Variants in RBM33 observed in about 807,000 individuals in gnomAD.
RBM33 encodes the protein RNA-binding protein 33.
RBM33 carries 28 observed loss-of-function variants against 132.6 expected under a neutral mutation model. That is an observed-to-expected ratio of 0.21 (90% confidence interval 0.16 to 0.29). The LOEUF (loss-of-function observed/expected upper bound fraction) is 0.29. Ranked by LOEUF, RBM33 falls within the 10% of genes least tolerant of loss-of-function variation. The pLI, the probability that RBM33 is intolerant of heterozygous loss-of-function variation, is 1.00. For synonymous variants in RBM33, 634 were observed against 593.0 expected, an observed-to-expected ratio of 1.07 and a Z score of -1.01; for missense variants, 1,291 against 1,518.5, an observed-to-expected ratio of 0.85 and a Z score of 2.49.
chr7:155,677,719 G>A (rs1799223720), intron 3 of RBM33, among the ~76,000 whole-genome samples: 1 of 152,182 alleles, frequency 6.6e-6, no homozygotes, highest in South Asian at 2.1e-4. Flanking sequence ...ATACAGGTAA[G>A]TTTTTATAAG....
In RBM33 at chr7:155,685,148, G is replaced by GT. The variant is rs1299093550; in HGVS notation, c.567+4241dup. 72 of 1,276,430 alleles carry GT rather than the reference G, an allele frequency of 5.6e-5. No individual in the cohort carries two copies. The African/African-American group carries it at 7.3e-4, about 13-fold the overall frequency. 79.1% of individuals were successfully genotyped at this position (1,276,430 alleles called of 1,614,324 possible). On this transcript the variant is annotated intron_variant, in intron 5 of 17. Transcript: ENST00000401878. ...TTTTAGCATTAGCGAAAGTCGATAC[G>GT]TATCTTTGAACTGTGAGTGTATAGT...
rs773171947 is a variant in RBM33, at chr7:155,721,662, CTA to C, written c.1260+3220_1260+3221del. On this transcript the variant is annotated intron_variant, in intron 9 of 17. Transcript: ENST00000401878. ...GAAATTTTGCTGAGTTATAATACCT[CTA>C]GTTTTTTTAATTAAAAATTACAGAA... Among the ~76,000 whole-genome samples, 12 of 151,666 alleles carry C rather than the reference CTA, an allele frequency of 7.9e-5. No homozygotes were observed. The Middle Eastern group carries it at 0.01, about 131-fold the overall frequency.
At position 155,741,772 on chromosome 7, in the gene RBM33, T is replaced by C. The variant is rs373356492; in HGVS notation, c.2050-47T>C. 9.7e-6 allele frequency: 15 copies of C among 1,542,960 alleles called. No homozygotes were observed. In the African/African-American group the frequency reaches 1.8e-4, roughly 18 times the overall value. ...ATAATGTGCCTTTTAATGTTCCTTC[T>C]GCCAAGTTTCCACTTACAATTAGAA... On this transcript the variant is annotated intron_variant, in intron 12 of 17. Coordinates refer to ENST00000401878, the MANE Select transcript of RBM33 (RefSeq NM_053043.3).
At chr7:155,752,908 A>G (rs1451683800) in intron 14 of RBM33, among the ~76,000 whole-genome samples, 1 of 151,830 alleles carries the variant, frequency 6.6e-6, no homozygotes, top group East Asian at 1.9e-4. Context: ...TTCTCATCTG[A>G]CCGTGTGTTT....
chr7:155,766,641 G>C lies in RBM33; in HGVS notation c.3361G>C (p.Val1121Leu). 1 of 1,611,342 alleles carries C rather than the reference G, an allele frequency of 6.2e-7. No individual in the cohort carries two copies. Among genetic ancestry groups the C allele is most frequent in the Non-Finnish European group, 8.5e-7 (1 of 1,178,774 alleles). The change falls in exon 16 of 18, where the codon GTG (valine) becomes CTG (leucine). Residue 1121 changes from valine to leucine, a missense_variant. Physicochemically the swap from Val to Leu is conservative, Grantham distance 32 (BLOSUM62 1). Coordinates refer to ENST00000401878, the MANE Select transcript of RBM33 (RefSeq NM_053043.3). ...CCAGCTGAAGAGCCTGCTGATGTCA[G>C]TGGGACCCATTCAGGTAGCCGCCTG... ...DAQLKSLLMS[V>L]GPIQSLQMLP...
rs189527639 is a variant in RBM33 at position 155,669,288 on chromosome 7, A to T, written c.123-3579A>T. Among the ~76,000 whole-genome samples the T allele has an allele frequency of 1.4e-3, 216 of 152,214 alleles. 4 individuals carry two copies. Among genetic ancestry groups the T allele is most frequent in the African/African-American group, 5.0e-3 (206 of 41,532 alleles). On this transcript the variant is annotated intron_variant, in intron 2 of 17. Coordinates refer to ENST00000401878, the MANE Select transcript of RBM33 (RefSeq NM_053043.3). Reference sequence around the variant, plus strand: ...GAACCAACACCTGAAATTGTGTTTTATTTATTTTTTTTAAAGATATGAATG... The same window carrying T: ...GAACCAACACCTGAAATTGTGTTTTTTTTATTTTTTTTAAAGATATGAATG...
At chr7:155,645,089 C>T (rs879192785) in intron 1 of RBM33, 170 bp downstream of exon 1, 3 of 520,378 alleles carry the variant, frequency 5.8e-6, no homozygotes, top group Non-Finnish European at 6.7e-6. Context: ...TTGTCATTCT[C>T]CCTTTCTCGC....
intron 5 of RBM33, among the ~76,000 whole-genome samples, chr7:155,689,585 T>C (rs1461786985): frequency 3.3e-5 from 5 of 152,224 alleles, no homozygotes; most frequent in Admixed American, 1.3e-4. Context: ...TTTTAGATCT[T>C]TCCTGCATTC....
intron 1 of RBM33, among the ~76,000 whole-genome samples, chr7:155,648,176 C>T (rs1413780476): frequency 1.3e-5 from 2 of 152,200 alleles, no homozygotes; most frequent in Admixed American, 6.5e-5. Context: ...CATCACCTAG[C>T]ATCAACATTC....
chr7:155,710,059 C>G (rs1312700293), intron 7 of RBM33, among the ~76,000 whole-genome samples: 5 of 152,174 alleles, frequency 3.3e-5, no homozygotes, highest in Admixed American at 6.5e-5. Flanking sequence ...TGATCATTTT[C>G]CTACCAAAGA....
intron 5 of RBM33, among the ~76,000 whole-genome samples, chr7:155,682,595 C>T (rs534939358): frequency 1.3e-5 from 2 of 152,270 alleles, no homozygotes; most frequent in South Asian, 4.2e-4. Context: ...CCTGTAAGTT[C>T]AGCAGTCCAA....
intron 2 of RBM33, among the ~76,000 whole-genome samples, chr7:155,671,095 G>A (rs894104204): frequency 6.6e-6 from 1 of 152,060 alleles, no homozygotes; most frequent in Admixed American, 6.5e-5. Context: ...CTTTAAAAGA[G>A]GTGCTTGTGT....
At chr7:155,691,664 G>A (rs541275793) in intron 5 of RBM33, among the ~76,000 whole-genome samples, 8 of 152,196 alleles carry the variant, frequency 5.3e-5, no homozygotes, top group African/African-American at 1.9e-4. Context: ...TCATTGCCTG[G>A]GTGCCTTCTG....
intron 9 of RBM33, among the ~76,000 whole-genome samples, chr7:155,724,638 C>T (rs6459914): frequency 0.29 from 44,216 of 152,104 alleles, 7,833 homozygotes; most frequent in African/African-American, 0.5. Context: ...GTGTGAGTTT[C>T]GCCTAGTGCC....
At chr7:155,682,222 T>A (rs1343339478) in intron 5 of RBM33, among the ~76,000 whole-genome samples, 1 of 152,100 alleles carries the variant, frequency 6.6e-6, no homozygotes, top group Non-Finnish European at 1.5e-5. Flanking sequence ...TGCCTGGCCC[T>A]CAATAGTTTT....
intron 1 of RBM33, 67 bp from the exon 2 acceptor site, chr7:155,665,108 G>A: frequency 7.2e-7 from 1 of 1,393,692 alleles, no homozygotes; most frequent in African/African-American, 1.4e-5. Flanking sequence ...TTGTTTTAGT[G>A]TTTGAATTAT....
intron 9 of RBM33, among the ~76,000 whole-genome samples, chr7:155,729,686 G>A (rs1800895997): frequency 6.6e-6 from 1 of 150,604 alleles, no homozygotes; most frequent in Admixed American, 6.6e-5. Flanking sequence ...GCAGTGAGCT[G>A]TGATCGCACC....
In RBM33 at chr7:155,780,294, G is replaced by A. The variant is rs541115324; in HGVS notation, c.*5253G>A. 3.9e-5 allele frequency: 6 copies of A among 152,314 alleles called. No homozygotes were observed. The East Asian group carries it at 1.2e-3, about 29-fold the overall frequency. The allele number at this position is 152,314 out of a possible 1,614,324, so 9.4% of individuals were successfully genotyped here. A position where few individuals can be genotyped will look rare whatever the true frequency, so the allele number is the denominator to read the frequency against. On this transcript the variant is annotated 3_prime_UTR_variant, in exon 18 of 18. Coordinates refer to ENST00000401878, the MANE Select transcript of RBM33 (RefSeq NM_053043.3). ...GAAGGAGCAAAAAAAGCCACCGCTC[G>A]TTTCTATAATCCAGCTTTGCTTTTC... is the stretch of plus-strand genomic sequence containing the variant.
At chr7:155,685,014 G>A (rs1168754016) in intron 5 of RBM33, 3 of 1,550,290 alleles carry the variant, frequency 1.9e-6, no homozygotes, top group Non-Finnish European at 2.6e-6. Flanking sequence ...TGAATTAGAT[G>A]AGATTACTGA....
Sources: allele counts gnomAD v4.1 joint callset (sites outside exome capture counted in the v4.1 genomes callset), GRCh38; gene constraint gnomAD v4.1.1; transcripts MANE v1.5; gene names NCBI Gene and HGNC (gene_info 2026-07-23, HGNC 2026-07-21).